PTPN2: variants seen among roughly 807,000 people sequenced by gnomAD.
The protein encoded by PTPN2 is protein tyrosine phosphatase non-receptor type 2, also known as tyrosine-protein phosphatase non-receptor type 2.
A neutral mutation model predicts 57.3 loss-of-function variants in PTPN2; 19 were observed. That is an observed-to-expected ratio of 0.33 (90% CI 0.23 to 0.49). The LOEUF (loss-of-function observed/expected upper bound fraction) is 0.49. Among genes scored for constraint, PTPN2 ranks in the 20% least tolerant of loss-of-function variants. The pLI is 0.99. For missense variants in PTPN2, 358 were observed against 501.1 expected (o/e 0.71, Z 2.73); for synonymous variants, 153 against 164.9 (o/e 0.93, Z 0.55).
At chr18:12,858,397 G>A (rs559176975) in intron 2 of PTPN2, among the ~76,000 whole-genome samples, 8 of 152,098 alleles carry the variant, frequency 5.3e-5, no homozygotes, top group Non-Finnish European at 1.0e-4. Flanking sequence ...TAAAATCACC[G>A]CATGATGATG....
At chr18:12,854,244 C>CA (rs1481802874) in intron 2 of PTPN2, among the ~76,000 whole-genome samples, 1 of 151,310 alleles carries the variant, frequency 6.6e-6, no homozygotes, top group African/African-American at 2.4e-5. Context: ...CCTGTAGTCC[C>CA]AGCTACTCAG....
At chr18:12,813,467 T>C (rs2041966032) in intron 7 of PTPN2, among the ~76,000 whole-genome samples, 1 of 152,228 alleles carries the variant, frequency 6.6e-6, no homozygotes, top group Non-Finnish European at 1.5e-5. Flanking sequence ...TAAACCTTTA[T>C]TCTGACACCA....
chr18:12,883,968 G>A lies in PTPN2; in HGVS notation c.69+105C>T, dbSNP rs946910854. The A allele has an allele frequency of 5.4e-5, 54 of 1,001,436 alleles. No individual in the cohort carries two copies. In the Admixed American group the frequency reaches 7.7e-4, roughly 14 times the overall value. The allele number at this position is 1,001,436 out of a possible 1,614,324, so 62.0% of individuals were successfully genotyped here. A position where few individuals can be genotyped will look rare whatever the true frequency, so the allele number is the denominator to read the frequency against. On this transcript the variant is annotated intron_variant, in intron 1 of 8. Coordinates refer to ENST00000309660, the MANE Select transcript of PTPN2 (RefSeq NM_002828.4). ...GCGCCGCCACTTCCGCCCCGAGCGA[G>A]AGGCTAGAGGCGAGAGGCGGGGGAG...
intron 1 of PTPN2, among the ~76,000 whole-genome samples, chr18:12,860,416 G>A (rs1437878143): frequency 3.3e-5 from 5 of 151,646 alleles, no homozygotes; most frequent in Non-Finnish European, 7.4e-5. Flanking sequence ...GGCCAGGATG[G>A]TGAAACCTCG....
intron 2 of PTPN2, among the ~76,000 whole-genome samples, chr18:12,846,452 A>G (rs2043209991): frequency 6.6e-6 from 1 of 152,056 alleles, no homozygotes; most frequent in African/African-American, 2.4e-5. Context: ...ATTAATTCCT[A>G]TTTTATTCAA....
chr18:12,864,747 C>T (rs1345652734), intron 1 of PTPN2, among the ~76,000 whole-genome samples: 3 of 152,136 alleles, frequency 2.0e-5, no homozygotes, highest in Non-Finnish European at 4.4e-5. Flanking sequence ...ATTTCACCTC[C>T]TAATATTTTC....
chr18:12,837,188 C>G (rs1035747111), intron 2 of PTPN2, among the ~76,000 whole-genome samples: 4 of 152,050 alleles, frequency 2.6e-5, no homozygotes, highest in Non-Finnish European at 5.9e-5. Context: ...AAGTACTTAC[C>G]TTCCTAAAAG....
chr18:12,870,346 T>TAC, intron 1 of PTPN2, among the ~76,000 whole-genome samples: 1 of 47,450 alleles, frequency 2.1e-5, no homozygotes, highest in East Asian at 1.3e-3. Context: ...TATATACATA[T>TAC]ATATGTGTAT....
chr18:12,883,277 G>T (rs893494260), intron 1 of PTPN2, among the ~76,000 whole-genome samples: 9 of 152,154 alleles, frequency 5.9e-5, no homozygotes, highest in Non-Finnish European at 1.0e-4. Flanking sequence ...AAACTATAAA[G>T]AGAATGACAC....
Position 12,794,182 on chromosome 18 carries a change from T to A in PTPN2, c.*96A>T. The A allele has an allele frequency of 6.4e-7, 1 of 1,556,742 alleles. No individual in the cohort carries two copies. Among genetic ancestry groups the A allele is most frequent in the Non-Finnish European group, 8.6e-7 (1 of 1,156,248 alleles). ...GTTGATGTCTATTCTACTGCACCGT[T>A]TTTGGGATATGAGGCGTTTGCTGCA... On this transcript the variant is annotated 3_prime_UTR_variant, in exon 9 of 9. Coordinates refer to ENST00000309660, the MANE Select transcript of PTPN2 (RefSeq NM_002828.4).
intron 8 of PTPN2, among the ~76,000 whole-genome samples, chr18:12,801,490 A>C (rs1007109833): frequency 2.0e-5 from 3 of 152,088 alleles, no homozygotes; most frequent in Non-Finnish European, 4.4e-5. Context: ...TGGGTGACAG[A>C]GAAAAAAAAA....
In PTPN2 at chr18:12,851,202, G is replaced by A. The variant is rs541628036; in HGVS notation, c.160+7962C>T. On this transcript the variant is annotated intron_variant, in intron 2 of 8. Transcript: ENST00000309660. ...TAAGGTTAATAATATTATATAGGCC[G>A]GGCGCGGTGGCTCACGCCTGTAATC... is the stretch of plus-strand genomic sequence containing the variant. 1.7e-3 allele frequency among the ~76,000 whole-genome samples: 15 copies of A among 8,718 alleles called. 5 individuals carry two copies. The highest frequency in any genetic ancestry group is 2.4e-3 in the African/African-American group (13 of 5,504). The allele number at this position is 8,718 out of a possible 152,430, so 5.7% of individuals were successfully genotyped here.
At position 12,794,466 on chromosome 18, in the gene PTPN2, G is replaced by A; in HGVS notation, c.1060C>T (p.Arg354Ter). 2 of 1,613,516 alleles carry A rather than the reference G, an allele frequency of 1.2e-6. No individual in the cohort carries two copies. The highest frequency in any genetic ancestry group is 1.7e-6 in the Non-Finnish European group (2 of 1,180,010). ...GCTGTGGTGGCCTTTCTGTCCTCTC[G>A]AATACGTTTCCGTAGAGCACTATGA... is the stretch of plus-strand genomic sequence containing the variant. ...NSESALRKRI[R>*]EDRKATTAQK... The change falls in exon 9 of 9, where the codon CGA (arginine) becomes TGA (stop). Residue 354 changes from arginine (R) to a stop codon, truncating the protein, a stop_gained. Transcript: ENST00000309660. LOFTEE classifies it high-confidence loss of function.
chr18:12,819,913 T>A (rs1021536401), intron 5 of PTPN2, among the ~76,000 whole-genome samples: 1 of 152,222 alleles, frequency 6.6e-6, no homozygotes, highest in African/African-American at 2.4e-5. Flanking sequence ...TCTTACTTGC[T>A]GCGGCCACCA....
At chr18:12,864,044 G>A (rs1462967231) in intron 1 of PTPN2, 3 of 152,142 alleles carry the variant, frequency 2.0e-5, no homozygotes, top group Admixed American at 6.5e-5. Context: ...ACATCCAAGT[G>A]AATATCATGC....
intron 8 of PTPN2, among the ~76,000 whole-genome samples, chr18:12,794,915 G>A (rs746475880): frequency 2.6e-5 from 4 of 152,098 alleles, no homozygotes; most frequent in South Asian, 2.1e-4. Flanking sequence ...GAGCCACGGC[G>A]CCCGGCCAAG....
At chr18:12,792,064 G>T, downstream of PTPN2, 2 of 274,526 alleles carry the variant, frequency 7.3e-6, no homozygotes, top group Non-Finnish European at 1.1e-5. Context: ...CAGGTTTAAT[G>T]CAGACAGACA....
At chr18:12,787,876 C>A (rs1385568284), downstream of PTPN2, 1 of 154,208 alleles carries the variant, frequency 6.5e-6, no homozygotes, top group African/African-American at 2.4e-5. Context: ...GCTAGAAAGG[C>A]GCAAGGGCCG....
intron 1 of PTPN2, among the ~76,000 whole-genome samples, chr18:12,874,006 A>G (rs1392522829): frequency 3.4e-5 from 5 of 145,906 alleles, no homozygotes; most frequent in African/African-American, 1.0e-4. Context: ...GAGACCCTCC[A>G]CCTGGCAACC....
Sources: allele counts gnomAD v4.1 joint callset (sites outside exome capture counted in the v4.1 genomes callset), GRCh38; gene constraint gnomAD v4.1.1; transcripts MANE v1.5; gene names NCBI Gene and HGNC (gene_info 2026-07-23, HGNC 2026-07-21).